FBXW10: variants seen among roughly 807,000 people sequenced by gnomAD.
FBXW10 encodes the protein F-box/WD repeat-containing protein 10.
A neutral mutation model predicts 113.1 loss-of-function variants in FBXW10; 68 were observed. The observed-to-expected ratio is 0.60, with a 90% CI of 0.49 to 0.74. The LOEUF (loss-of-function observed/expected upper bound fraction) is 0.74. FBXW10 is among the 30% of genes least tolerant of loss of function. The pLI is 0.00. For synonymous variants in FBXW10, 289 were observed against 481.6 expected (o/e 0.60, Z 5.24); for missense variants, 753 against 1,284.5 (o/e 0.59, Z 6.32).
chr17:18,750,358 G>T (rs1281021314), intron 4 of FBXW10, among the ~76,000 whole-genome samples: 4 of 152,130 alleles, frequency 2.6e-5, no homozygotes, highest in African/African-American at 9.7e-5. Context: ...TAGGGATAGA[G>T]ACCGCTCAGG....
chr17:18,751,762 A>G (rs2035175914), intron 5 of FBXW10, among the ~76,000 whole-genome samples: 1 of 152,206 alleles, frequency 6.6e-6, no homozygotes, highest in African/African-American at 2.4e-5. Context: ...GGGGAGGGCC[A>G]GGGCTGGTTC....
intron 8 of FBXW10, 43 bp downstream of exon 8, chr17:18,764,906 A>T (rs1567622014): frequency 6.2e-7 from 1 of 1,613,692 alleles, no homozygotes; most frequent in Admixed American, 1.7e-5. Context: ...GTTTCCCCCG[A>T]CCCACGGGTT....
Position 18,744,216 on chromosome 17 carries a change from G to A in FBXW10, c.-29G>A, listed in dbSNP as rs757644169. Reference sequence around the variant, plus strand: ...TGGCGTTGCCGTTGCAAGTGCGCAGGGCTAAAATGGACTGGTTATCTTAGG... The same window carrying A: ...TGGCGTTGCCGTTGCAAGTGCGCAGAGCTAAAATGGACTGGTTATCTTAGG... On this transcript the variant is annotated 5_prime_UTR_variant, in exon 1 of 14. Transcript: ENST00000395665. 1.6e-6 allele frequency: 2 copies of A among 1,246,628 alleles called. No individual in the cohort carries two copies. 77.2% of individuals were successfully genotyped at this position (1,246,628 alleles called of 1,614,324 possible). A position where few individuals can be genotyped will look rare whatever the true frequency, so the allele number is the denominator to read the frequency against.
chr17:18,753,845 C>T (rs1201474209), intron 5 of FBXW10, among the ~76,000 whole-genome samples: 1 of 151,640 alleles, frequency 6.6e-6, no homozygotes, highest in Non-Finnish European at 1.5e-5. Context: ...CTGCACCACT[C>T]CAGCCTGGGC....
rs1344983681 is a variant in FBXW10 at position 18,772,656 on chromosome 17, C to T, written c.2251C>T (p.Leu751Phe). ...AGGCAAACCTCCCAAGTCCCGAGTA[C>T]TCCTGAAGCCGGCCAAGTTCTCTTC... ...LPGKPPKSRVLLKPAKFSSAV... is the reference protein window; with the variant it reads ...LPGKPPKSRVFLKPAKFSSAV... The change falls in exon 12 of 14, where the codon CTC (leucine) becomes TTC (phenylalanine). Residue 751 changes from leucine to phenylalanine, a missense_variant. Coordinates refer to ENST00000395665, the MANE Select transcript of FBXW10 (RefSeq NM_001267585.2). 3 of 1,611,566 alleles carry T rather than the reference C, an allele frequency of 1.9e-6. No individual in the cohort carries two copies. The highest frequency in any genetic ancestry group is 2.5e-6 in the Non-Finnish European group (3 of 1,179,382).
chr17:18,768,257 A>G (rs1035007487), intron 9 of FBXW10, among the ~76,000 whole-genome samples: 4 of 151,964 alleles, frequency 2.6e-5, no homozygotes, highest in African/African-American at 9.7e-5. Flanking sequence ...TAGTAGAGAC[A>G]GGGTTTCACC....
chr17:18,772,082 G>A (rs1350664739), intron 11 of FBXW10, among the ~76,000 whole-genome samples: 1 of 152,064 alleles, frequency 6.6e-6, no homozygotes, highest in Middle Eastern at 3.2e-3. Context: ...ACTCCAGCCC[G>A]GGTGACAGAG....
At chr17:18,752,612 C>T (rs1304056685) in intron 5 of FBXW10, among the ~76,000 whole-genome samples, 2 of 151,520 alleles carry the variant, frequency 1.3e-5, no homozygotes, top group East Asian at 3.9e-4. Context: ...ACTCGGGAGG[C>T]TGAGGCAGGA....
At chr17:18,762,368 A>G (rs1267070016) in intron 7 of FBXW10, among the ~76,000 whole-genome samples, 3 of 139,500 alleles carry the variant, frequency 2.2e-5, no homozygotes, top group Non-Finnish European at 4.5e-5. Context: ...GCCAGGCTGG[A>G]GTGCTGTGAC....
chr17:18,776,010 C>G (rs2035691236), intron 13 of FBXW10, among the ~76,000 whole-genome samples: 1 of 133,452 alleles, frequency 7.5e-6, no homozygotes, highest in African/African-American at 2.9e-5. Context: ...GACCTTGCCT[C>G]TTAAAGAAAA....
Position 18,772,513 on chromosome 17 carries a change from A to G in FBXW10, c.2108A>G (p.Lys703Arg), listed in dbSNP as rs2035634642. ...EKTKQKKNKE[K>R]EEEKEENSLM... ...ACGAAACAAAAGAAGAATAAGGAGAAAGAGGAGGAAAAAGAAGAAAATAGT... is the reference window on the plus strand; with the variant it reads ...ACGAAACAAAAGAAGAATAAGGAGAGAGAGGAGGAAAAAGAAGAAAATAGT... Residue 703 changes from lysine to arginine, a missense_variant, in exon 12 of 14, where the codon AAA becomes AGA. Coordinates refer to ENST00000395665, the MANE Select transcript of FBXW10 (RefSeq NM_001267585.2). The G allele has an allele frequency of 6.2e-7, 1 of 1,613,988 alleles. No homozygotes were observed. Among genetic ancestry groups the G allele is most frequent in the African/African-American group, 1.3e-5 (1 of 74,952 alleles).
chr17:18,753,543 C>A (rs1235917271), intron 5 of FBXW10, among the ~76,000 whole-genome samples: 1 of 152,146 alleles, frequency 6.6e-6, no homozygotes, highest in Non-Finnish European at 1.5e-5. Flanking sequence ...CACCCTTCGC[C>A]TTTCTCTCCT....
chr17:18,757,939 G>A (rs1311204343), intron 6 of FBXW10, among the ~76,000 whole-genome samples: 1 of 152,176 alleles, frequency 6.6e-6, no homozygotes, highest in Non-Finnish European at 1.5e-5. Context: ...GTGTGCACAG[G>A]ACTTCCCAAC....
intron 5 of FBXW10, among the ~76,000 whole-genome samples, chr17:18,753,982 A>G (rs1417382500): frequency 5.3e-5 from 8 of 152,188 alleles, no homozygotes; most frequent in Non-Finnish European, 1.2e-4. Flanking sequence ...AGAGTCTCCT[A>G]GGAAAAGCGG....
intron 7 of FBXW10, among the ~76,000 whole-genome samples, chr17:18,759,201 A>G (rs1401873818): frequency 6.6e-6 from 1 of 152,150 alleles, no homozygotes; most frequent in Non-Finnish European, 1.5e-5. Context: ...TTTTTAAACA[A>G]TATAACAAAC....
intron 7 of FBXW10, among the ~76,000 whole-genome samples, chr17:18,759,713 C>T (rs1274396876): frequency 6.6e-6 from 1 of 151,948 alleles, no homozygotes; most frequent in Non-Finnish European, 1.5e-5. Flanking sequence ...CCCAGGTTCA[C>T]ACCATTCTCT....
chr17:18,756,934 T>C (rs1597593131), intron 6 of FBXW10, among the ~76,000 whole-genome samples: 1 of 151,998 alleles, frequency 6.6e-6, no homozygotes, highest in Non-Finnish European at 1.5e-5. Flanking sequence ...AAAGGCAAAG[T>C]TGAGTTTTTA....
chr17:18,761,487 G>A (rs2035384988), intron 7 of FBXW10, among the ~76,000 whole-genome samples: 1 of 151,994 alleles, frequency 6.6e-6, no homozygotes, highest in Non-Finnish European at 1.5e-5. Context: ...GGATGGTCTC[G>A]ATCTCCTGAC....
At chr17:18,757,515 C>T (rs1448807041) in intron 6 of FBXW10, among the ~76,000 whole-genome samples, 2 of 152,208 alleles carry the variant, frequency 1.3e-5, no homozygotes, top group African/African-American at 4.8e-5. Context: ...GGCGTGGTGG[C>T]TCATGCCTGT....
Sources: gnomAD v4.1 joint callset for allele counts (sites outside exome capture counted in the v4.1 genomes callset) on GRCh38, gnomAD v4.1.1 for gene constraint, MANE v1.5 for transcripts, NCBI Gene and HGNC (gene_info 2026-07-23, HGNC 2026-07-21) for gene names.